The following PTN variants were observed in gnomAD, a reference collection of about 807,000 sequenced individuals.
PTN encodes heparin affin regulatory protein.
In PTN, 18 loss-of-function variants were observed where a neutral mutation model predicts 24.1. That is an observed-to-expected ratio of 0.75 (90% CI 0.52 to 1.11). The LOEUF (loss-of-function observed/expected upper bound fraction) is 1.11. Ranked by LOEUF, PTN falls within the 50% of genes least tolerant of loss-of-function variation. The pLI is 0.00. For synonymous variants in PTN, 78 were observed against 68.6 expected (o/e 1.14, Z -0.67); for missense variants, 163 against 198.8 (o/e 0.82, Z 1.08).
intron 4 of PTN, among the ~76,000 whole-genome samples, chr7:137,249,415 T>C (rs1251235523): frequency 2.6e-5 from 4 of 152,060 alleles, no homozygotes; most frequent in Non-Finnish European, 5.9e-5. Flanking sequence ...ATTCACAATT[T>C]TTAAACTACT....
rs752933798 is a variant in PTN, at chr7:137,259,327, C to T, written c.-1-4353G>A. Among the ~76,000 whole-genome samples the T allele has an allele frequency of 3.9e-5, 6 of 152,068 alleles. No individual in the cohort carries two copies. In the East Asian group the frequency reaches 5.8e-4, roughly 15 times the overall value. ...AAGGATGCTGGAAACTGTACTTTAG[C>T]GACCTATTTGGGGGATTAATACAGG... On this transcript the variant is annotated intron_variant, in intron 1 of 4. Transcript: ENST00000348225.
intron 1 of PTN, among the ~76,000 whole-genome samples, chr7:137,307,933 T>C (rs1687722933): frequency 6.6e-6 from 1 of 152,144 alleles, no homozygotes; most frequent in Non-Finnish European, 1.5e-5. Flanking sequence ...AGGGAAAGGA[T>C]ATTACAAGAT....
In PTN at chr7:137,228,070, A is replaced by G. The variant is rs1395484442; in HGVS notation, c.457T>C (p.Ser153Pro). 1 of 1,550,890 alleles carries G rather than the reference A, an allele frequency of 6.4e-7. No homozygotes were observed. The highest frequency in any genetic ancestry group is 1.7e-5 in the Admixed American group (1 of 59,326). Residue 153 changes from serine (S) to proline (P), a missense_variant, in exon 5 of 5, where the codon TCT (serine) becomes CCT (proline). Transcript: ENST00000348225. ...TTGCCTTCCTTTTTCTTCTTCTTAGATTCTGCTGTGATTACAAAAAAGAGA... is the reference window on the plus strand; with the variant it reads ...TTGCCTTCCTTTTTCTTCTTCTTAGGTTCTGCTGTGATTACAAAAAAGAGA... Reference protein sequence around the residue: ...KLTKPKPQAESKKKKKEGKKQ... With the variant: ...KLTKPKPQAEPKKKKKEGKKQ...
chr7:137,253,794 C>A (rs1808870761), intron 2 of PTN, among the ~76,000 whole-genome samples, 157 bp from the exon 3 acceptor site: 1 of 152,028 alleles, frequency 6.6e-6, no homozygotes, highest in African/African-American at 2.4e-5. Context: ...GAATATTAAC[C>A]AAATTATTGA....
intron 1 of PTN, among the ~76,000 whole-genome samples, chr7:137,307,271 G>A (rs1198252652): frequency 6.6e-6 from 1 of 152,064 alleles, no homozygotes; most frequent in East Asian, 1.9e-4. Flanking sequence ...ACAGCTGTTC[G>A]GTTCCTGACA....
intron 1 of PTN, among the ~76,000 whole-genome samples, chr7:137,268,921 C>G (rs778071555): frequency 3.3e-5 from 5 of 152,132 alleles, no homozygotes; most frequent in Non-Finnish European, 7.4e-5. Context: ...TGCTCTTTTA[C>G]ATTTTATATT....
chr7:137,235,212 C>T (rs769338944), intron 4 of PTN, among the ~76,000 whole-genome samples: 1 of 152,044 alleles, frequency 6.6e-6, no homozygotes, highest in African/African-American at 2.4e-5. Flanking sequence ...CACCAAGATC[C>T]TTTTAATGCT....
chr7:137,308,689 C>T (rs369829150), intron 1 of PTN, among the ~76,000 whole-genome samples: 2 of 152,134 alleles, frequency 1.3e-5, no homozygotes, highest in South Asian at 2.1e-4. Flanking sequence ...TGACCAAGGA[C>T]GAGATGCTCC....
intron 1 of PTN, among the ~76,000 whole-genome samples, chr7:137,308,649 G>A (rs192774626): frequency 5.3e-5 from 8 of 152,214 alleles, no homozygotes; most frequent in Non-Finnish European, 1.2e-4. Context: ...GAGAGGTGGT[G>A]AGGATTAAGC....
At chr7:137,309,201 T>C (rs781581125) in intron 1 of PTN, among the ~76,000 whole-genome samples, 1 of 152,232 alleles carries the variant, frequency 6.6e-6, no homozygotes, top group Non-Finnish European at 1.5e-5. Flanking sequence ...CCCCAGTGCA[T>C]ACAAAATTTA....
chr7:137,319,350 C>A (rs1176306832), intron 1 of PTN, among the ~76,000 whole-genome samples: 2 of 152,238 alleles, frequency 1.3e-5, no homozygotes, highest in African/African-American at 2.4e-5. Flanking sequence ...AAAGGGTAAC[C>A]TTTTACTTTC....
intron 4 of PTN, among the ~76,000 whole-genome samples, chr7:137,237,257 A>C (rs889385529): frequency 6.6e-6 from 1 of 151,878 alleles, no homozygotes; most frequent in African/African-American, 2.4e-5. Context: ...TAGTGAGGAC[A>C]CAAGGAAAAG....
At chr7:137,250,283 C>G (rs556593527) in intron 4 of PTN, among the ~76,000 whole-genome samples, 1 of 152,258 alleles carries the variant, frequency 6.6e-6, no homozygotes, top group East Asian at 1.9e-4. Flanking sequence ...AGCCTAAGAT[C>G]AAGGCATCTG....
intron 1 of PTN, among the ~76,000 whole-genome samples, chr7:137,330,928 G>T (rs1211665749): frequency 1.3e-5 from 2 of 152,146 alleles, no homozygotes; most frequent in Non-Finnish European, 2.9e-5. Flanking sequence ...GGACCCTATG[G>T]CATGCTCAAT....
At chr7:137,266,592 T>C (rs765262695) in intron 1 of PTN, among the ~76,000 whole-genome samples, 8 of 151,908 alleles carry the variant, frequency 5.3e-5, no homozygotes, top group African/African-American at 1.9e-4. Flanking sequence ...GAATTTACCA[T>C]ATAACACTCT....
intron 4 of PTN, among the ~76,000 whole-genome samples, chr7:137,236,750 T>C (rs1808528869): frequency 1.3e-5 from 2 of 152,138 alleles, no homozygotes; most frequent in African/African-American, 4.8e-5. Flanking sequence ...AGGGCAGAGG[T>C]AGAAAATTTG....
In PTN at chr7:137,251,410, C is replaced by G. The variant is rs763072059; in HGVS notation, c.290-19G>C. ...CACTCCGCTAAAGGCAGGGTAGAAC[C>G]AAACAGAAATCCTTGAAAGATCCTA... On this transcript the variant is annotated intron_variant, in intron 3 of 4. Coordinates refer to ENST00000348225, the MANE Select transcript of PTN (RefSeq NM_002825.7). 1 of 1,608,480 alleles carries G rather than the reference C, an allele frequency of 6.2e-7. No individual in the cohort carries two copies. The highest frequency in any genetic ancestry group is 1.1e-5 in the South Asian group (1 of 90,486).
At chr7:137,255,193 G>A (rs750950799) in intron 1 of PTN, among the ~76,000 whole-genome samples, 2 of 152,112 alleles carry the variant, frequency 1.3e-5, no homozygotes, top group African/African-American at 4.8e-5. Context: ...CTGACAAAAC[G>A]CAACAGTTCT....
intron 1 of PTN, among the ~76,000 whole-genome samples, chr7:137,317,644 CT>C (rs1429626670): frequency 2.0e-5 from 3 of 152,160 alleles, no homozygotes; most frequent in African/African-American, 4.8e-5. Flanking sequence ...TATTTTCTTT[CT>C]GTCTCTGAAT....
Sources: allele counts gnomAD v4.1 joint callset (sites outside exome capture counted in the v4.1 genomes callset), GRCh38; gene constraint gnomAD v4.1.1; transcripts MANE v1.5; gene names NCBI Gene and HGNC (gene_info 2026-07-23, HGNC 2026-07-21).